Variants in SUPT3H observed in about 807,000 individuals in gnomAD.
SUPT3H encodes the protein transcription initiation protein SPT3 homolog.
In SUPT3H, 44 loss-of-function variants were observed where a neutral mutation model predicts 44.3. That is an observed-to-expected ratio of 0.99 (90% CI 0.78 to 1.28). The LOEUF is 1.28. Ranked by LOEUF, SUPT3H falls within the 50% of genes most tolerant of loss-of-function variation. SUPT3H has a pLI of 0.00. For missense variants in SUPT3H, 380 were observed against 387.1 expected (o/e 0.98, Z 0.15); for synonymous variants, 124 against 125.6 (o/e 0.99, Z 0.09).
intron 2 of SUPT3H, among the ~76,000 whole-genome samples, chr6:45,332,373 AG>A (rs1418176796): frequency 6.6e-6 from 1 of 151,836 alleles, no homozygotes; most frequent in Non-Finnish European, 1.5e-5. Context: ...AAAAAGGAAA[AG>A]GTAAGTATTC....
rs188789161 is a variant in SUPT3H at position 44,958,036 on chromosome 6, G to A, written c.581-3429C>T. On this transcript the variant is annotated intron_variant, in intron 7 of 10. Coordinates refer to ENST00000371459, the MANE Select transcript of SUPT3H (RefSeq NM_003599.4). ...GTTTGTTTTCATCAAGAGGTGAGAG[G>A]GGCCTCAGAATAAACAAGTTCCTTC... Among the ~76,000 whole-genome samples, 4 of 152,138 alleles carry A rather than the reference G, an allele frequency of 2.6e-5. No individual in the cohort carries two copies. In the East Asian group the frequency reaches 7.7e-4, roughly 29 times the overall value.
At chr6:44,863,180 A>G (rs1192683018) in intron 10 of SUPT3H, among the ~76,000 whole-genome samples, 1 of 152,206 alleles carries the variant, frequency 6.6e-6, no homozygotes, top group East Asian at 1.9e-4. Context: ...TAATCCAGTC[A>G]TGCACTGATT....
intron 10 of SUPT3H, among the ~76,000 whole-genome samples, chr6:44,931,063 T>C (rs985525956): frequency 6.6e-6 from 1 of 152,216 alleles, no homozygotes; most frequent in Admixed American, 6.5e-5. Flanking sequence ...GTCCAGTCTA[T>C]TTTAAAAACA....
chr6:45,150,595 A>G (rs1027064144), intron 2 of SUPT3H, among the ~76,000 whole-genome samples: 4 of 151,944 alleles, frequency 2.6e-5, no homozygotes, highest in African/African-American at 9.7e-5. Context: ...GTTTTCTTCT[A>G]TCTCAGTGGC....
intron 2 of SUPT3H, among the ~76,000 whole-genome samples, chr6:45,228,587 G>A (rs912068623): frequency 1.3e-5 from 2 of 152,004 alleles, no homozygotes; most frequent in Non-Finnish European, 2.9e-5. Flanking sequence ...AAACACCCGC[G>A]CGCGCGCACA....
At chr6:44,998,014 A>G (rs1781502415) in intron 6 of SUPT3H, among the ~76,000 whole-genome samples, 1 of 151,928 alleles carries the variant, frequency 6.6e-6, no homozygotes, top group Admixed American at 6.6e-5. Context: ...TTTTCATTAT[A>G]TATACTTTCA....
intron 3 of SUPT3H, among the ~76,000 whole-genome samples, chr6:45,025,902 G>T (rs1164148738): frequency 6.8e-6 from 1 of 146,830 alleles, no homozygotes; most frequent in East Asian, 2.0e-4. Context: ...AAAAAAAAAT[G>T]TACAACAGAA....
chr6:45,156,522 T>C (rs530678546), intron 2 of SUPT3H, among the ~76,000 whole-genome samples: 2 of 151,798 alleles, frequency 1.3e-5, no homozygotes, highest in African/African-American at 4.8e-5. Context: ...CCTTTTCTGT[T>C]CTGATACTAA....
At chr6:45,372,335 A>C (rs1023250198) in intron 1 of SUPT3H, among the ~76,000 whole-genome samples, 1 of 152,192 alleles carries the variant, frequency 6.6e-6, no homozygotes, top group East Asian at 1.9e-4. Flanking sequence ...GTTCATGCTG[A>C]TGATGATGAT....
At chr6:45,218,154 G>C (rs935329720) in intron 2 of SUPT3H, among the ~76,000 whole-genome samples, 2 of 152,072 alleles carry the variant, frequency 1.3e-5, no homozygotes, top group African/African-American at 2.4e-5. Flanking sequence ...GAAAGCAAAA[G>C]AGTGAAAAAT....
chr6:45,240,833 A>T (rs1770161215), intron 2 of SUPT3H, among the ~76,000 whole-genome samples: 1 of 152,210 alleles, frequency 6.6e-6, no homozygotes, highest in Non-Finnish European at 1.5e-5. Flanking sequence ...GCTTAACATA[A>T]GGATTTGTGG....
At chr6:45,239,052 G>A (rs1769781865) in intron 2 of SUPT3H, among the ~76,000 whole-genome samples, 1 of 152,174 alleles carries the variant, frequency 6.6e-6, no homozygotes, top group Non-Finnish European at 1.5e-5. Flanking sequence ...TTTTTCAGAT[G>A]CCCTATACTT....
At chr6:44,834,068 A>T (rs1769356487) in intron 10 of SUPT3H, among the ~76,000 whole-genome samples, 1 of 152,188 alleles carries the variant, frequency 6.6e-6, no homozygotes, top group African/African-American at 2.4e-5. Context: ...TAAAAGACAC[A>T]GATGCTGTAG....
At chr6:44,933,565 AT>A (rs1228330054) in intron 9 of SUPT3H, among the ~76,000 whole-genome samples, 5 of 152,218 alleles carry the variant, frequency 3.3e-5, no homozygotes, top group African/African-American at 1.2e-4. Flanking sequence ...AACAATTATA[AT>A]TGCTTGTAGG....
At chr6:45,131,051 A>G (rs1414279851) in intron 2 of SUPT3H, among the ~76,000 whole-genome samples, 1 of 152,036 alleles carries the variant, frequency 6.6e-6, no homozygotes, top group Non-Finnish European at 1.5e-5. Context: ...GGAGCAGAGG[A>G]CTAGGACTCA....
intron 6 of SUPT3H, among the ~76,000 whole-genome samples, chr6:44,974,401 T>C (rs188435692): frequency 1.8e-3 from 273 of 152,174 alleles, no homozygotes; most frequent in African/African-American, 6.4e-3. Context: ...GATGCTTTGA[T>C]AGAGGTGAGG....
chr6:44,990,802 T>C (rs965223319), intron 6 of SUPT3H, among the ~76,000 whole-genome samples: 1 of 152,188 alleles, frequency 6.6e-6, no homozygotes, highest in African/African-American at 2.4e-5. Flanking sequence ...TATTTGTGTA[T>C]GTATTAAATT....
At chr6:45,352,733 A>G (rs1354713550) in intron 2 of SUPT3H, among the ~76,000 whole-genome samples, 1 of 151,330 alleles carries the variant, frequency 6.6e-6, no homozygotes, top group African/African-American at 2.4e-5. Flanking sequence ...TTAAAATAGA[A>G]CCATTTGATC....
chr6:45,293,516 TC>T (rs1354770544), intron 2 of SUPT3H, among the ~76,000 whole-genome samples: 1 of 132,562 alleles, frequency 7.5e-6, no homozygotes, highest in Non-Finnish European at 1.7e-5. Flanking sequence ...ACTGAAACAA[TC>T]AAAAAAAAAA....
Sources: allele counts gnomAD v4.1 joint callset (sites outside exome capture counted in the v4.1 genomes callset), GRCh38; gene constraint gnomAD v4.1.1; transcripts MANE v1.5; gene names NCBI Gene and HGNC (gene_info 2026-07-23, HGNC 2026-07-21).